The following JAKMIP3 variants were observed in gnomAD, a reference collection of about 807,000 sequenced individuals.
The protein encoded by JAKMIP3 is janus kinase and microtubule-interacting protein 3.
JAKMIP3 carries 58 observed loss-of-function variants against 118.5 expected under a neutral mutation model. That is an observed-to-expected ratio of 0.49 (90% CI 0.40 to 0.61). The LOEUF (loss-of-function observed/expected upper bound fraction) is 0.61. Ranked by LOEUF, JAKMIP3 falls within the 20% of genes least tolerant of loss-of-function variation. The pLI, the probability that JAKMIP3 is intolerant of heterozygous loss-of-function variation, is 0.00. For missense variants in JAKMIP3, 950 were observed against 1,109.0 expected, an observed-to-expected ratio of 0.86 and a Z score of 2.04; for synonymous variants, 486 against 451.2, an observed-to-expected ratio of 1.08 and a Z score of -0.98.
In JAKMIP3 at chr10:132,117,279, A is replaced by C. The variant is rs1589852698; in HGVS notation, c.338A>C (p.Asn113Thr). Reference protein sequence around the residue: ...LRVIKIKDNENQRLQALLSAL... With the variant: ...LRVIKIKDNETQRLQALLSAL... The stretch of plus-strand genomic sequence containing the variant: ...GTCATCAAGATCAAGGACAACGAGA[A>C]CCAGCGGCTGCAGGCACTGCTCAGT... The change falls in exon 3 of 24, where the codon AAC becomes ACC. Residue 113 changes from asparagine (N) to threonine (T), a missense_variant. Asn to Thr is a moderately conservative substitution (Grantham distance 65). Coordinates refer to ENST00000684848, the MANE Select transcript of JAKMIP3 (RefSeq NM_001323087.2). The surrounding 1 kb of genome is among the most constrained non-coding windows in gnomAD (Gnocchi z 8.6). 1.2e-6 allele frequency: 2 copies of C among 1,613,956 alleles called. No homozygotes were observed. Among genetic ancestry groups the C allele is most frequent in the Non-Finnish European group, 1.7e-6 (2 of 1,179,884 alleles).
At chr10:132,108,366 C>T (rs559947351) in intron 2 of JAKMIP3, among the ~76,000 whole-genome samples, 35 of 152,238 alleles carry the variant, frequency 2.3e-4, no homozygotes, top group Non-Finnish European at 3.7e-4. Context: ...TCCTGCCAGT[C>T]CCGGGGGACA....
rs139137842 is a variant in JAKMIP3 at position 132,149,433 on chromosome 10, G to A, written c.1870G>A (p.Ala624Thr). 1.1e-5 allele frequency: 17 copies of A among 1,604,178 alleles called. No individual in the cohort carries two copies. The highest frequency in any genetic ancestry group is 1.6e-4 in the Middle Eastern group (1 of 6,072). The change falls in exon 15 of 24, where the codon GCC becomes ACC. Residue 624 changes from alanine (A) to threonine (T), a missense_variant. By Grantham distance (58) the Ala-to-Thr change is moderately conservative. Coordinates refer to ENST00000684848, the MANE Select transcript of JAKMIP3 (RefSeq NM_001323087.2). ...ELEERERKSP[A>T]ISFHHTPFVD... ...CTAGGAGAGGGAGAGGAAGTCACCC[G>A]CCATCAGCTTCCACCACACGCCCTT...
At chr10:132,154,032 G>A (rs772891268) in intron 19 of JAKMIP3, 42 bp downstream of exon 19, 1 of 1,586,826 alleles carries the variant, frequency 6.3e-7, no homozygotes, top group South Asian at 1.1e-5. Context: ...GAGGGGCACT[G>A]GGCTGAAACG....
chr10:132,139,318 GTA>G (rs72266673), intron 9 of JAKMIP3, among the ~76,000 whole-genome samples: 24,377 of 118,036 alleles, frequency 0.21, 3,302 homozygotes, highest in East Asian at 0.37. Context: ...GTGTGTATGT[GTA>G]TGTGTGTGTG....
chr10:132,041,676 G>A (rs1422822166), intron 1 of JAKMIP3, among the ~76,000 whole-genome samples: 2 of 152,220 alleles, frequency 1.3e-5, no homozygotes, highest in Admixed American at 6.5e-5. Flanking sequence ...CGCTGGCCCC[G>A]TGGCCCAGGC....
At chr10:132,059,251 G>A (rs1159960251) in intron 1 of JAKMIP3, among the ~76,000 whole-genome samples, 3 of 152,218 alleles carry the variant, frequency 2.0e-5, no homozygotes, top group Admixed American at 6.5e-5. Flanking sequence ...CTGGTGCCAT[G>A]TCCGCCATGG....
intron 19 of JAKMIP3, among the ~76,000 whole-genome samples, chr10:132,158,436 TTTC>T (rs1359318509): frequency 2.0e-5 from 3 of 152,220 alleles, no homozygotes; most frequent in Non-Finnish European, 4.4e-5. Flanking sequence ...CAGCTTCAGC[TTTC>T]TGTGAGGCCA....
upstream of JAKMIP3, among the ~76,000 whole-genome samples, chr10:132,061,448 G>A (rs1053181276): frequency 6.6e-6 from 1 of 152,244 alleles, no homozygotes; most frequent in Non-Finnish European, 1.5e-5. Context: ...ATGTCAAAGA[G>A]ATGTCATTTC....
upstream of JAKMIP3, among the ~76,000 whole-genome samples, chr10:132,060,135 C>T (rs1412453449): frequency 1.3e-5 from 2 of 152,202 alleles, no homozygotes; most frequent in Non-Finnish European, 2.9e-5. Flanking sequence ...AATAAGCCCA[C>T]CTCAGCACCA....
chr10:132,126,419 CAGCCTCCTG>C (rs890714761), intron 3 of JAKMIP3, among the ~76,000 whole-genome samples: 4 of 152,048 alleles, frequency 2.6e-5, no homozygotes, highest in African/African-American at 9.7e-5. Context: ...CCTCCTACCT[CAGCCTCCTG>C]AGTAGCTGGG....
At chr10:132,127,321 C>T (rs1332955565) in intron 3 of JAKMIP3, among the ~76,000 whole-genome samples, 2 of 150,608 alleles carry the variant, frequency 1.3e-5, no homozygotes, top group African/African-American at 4.9e-5. Context: ...CTCCTGGGTT[C>T]AAGCGATTCT....
intron 23 of JAKMIP3, among the ~76,000 whole-genome samples, chr10:132,178,524 G>T (rs769504592): frequency 6.6e-6 from 1 of 152,230 alleles, no homozygotes; most frequent in Non-Finnish European, 1.5e-5. Context: ...TCAGACAAAA[G>T]AGCATATGGG....
At chr10:132,157,053 C>T (rs986630002) in intron 19 of JAKMIP3, among the ~76,000 whole-genome samples, 6 of 152,208 alleles carry the variant, frequency 3.9e-5, no homozygotes, top group African/African-American at 9.6e-5. Context: ...TGCAAAAGCG[C>T]GGTCCCCATG....
intron 23 of JAKMIP3, among the ~76,000 whole-genome samples, chr10:132,172,484 C>T (rs1469689277): frequency 6.6e-6 from 1 of 152,104 alleles, no homozygotes; most frequent in African/African-American, 2.4e-5. Context: ...TTCCCTGCAG[C>T]ATGTCTTCCT....
chr10:132,133,598 T>G, intron 4 of JAKMIP3, 71 bp downstream of exon 4: 2 of 1,348,464 alleles, frequency 1.5e-6, no homozygotes, highest in Non-Finnish European at 2.1e-6. Flanking sequence ...TGCATGGCCC[T>G]GCATGGGCCA....
chr10:132,139,404 GTGTA>G (rs1232633990), intron 9 of JAKMIP3, among the ~76,000 whole-genome samples: 7 of 124,478 alleles, frequency 5.6e-5, no homozygotes, highest in South Asian at 4.8e-4. Flanking sequence ...GTATGTGAGT[GTGTA>G]TGTGTGAGTG....
chr10:132,041,874 T>C (rs112838356), intron 1 of JAKMIP3, among the ~76,000 whole-genome samples: 17 of 152,234 alleles, frequency 1.1e-4, no homozygotes, highest in Non-Finnish European at 4.4e-5. Flanking sequence ...CTTTTCTTTT[T>C]TTTTTCTTTG....
At chr10:132,051,702 G>A (rs1009132089) in intron 1 of JAKMIP3, among the ~76,000 whole-genome samples, 1 of 152,036 alleles carries the variant, frequency 6.6e-6, no homozygotes, top group African/African-American at 2.4e-5. Flanking sequence ...CTGGGCTCAA[G>A]CCATCCATCC....
intron 19 of JAKMIP3, among the ~76,000 whole-genome samples, chr10:132,162,819 C>G (rs2058493118): frequency 1.1e-5 from 1 of 87,134 alleles, no homozygotes; most frequent in Non-Finnish European, 3.2e-5. Context: ...GGATCGGGTT[C>G]CATGGGTCTG....
Sources: gnomAD v4.1 joint callset for allele counts (sites outside exome capture counted in the v4.1 genomes callset) on GRCh38, gnomAD v4.1.1 for gene constraint, Gnocchi (gnomAD v3.1) non-coding constraint, MANE v1.5 for transcripts, NCBI Gene and HGNC (gene_info 2026-07-23, HGNC 2026-07-21) for gene names.